The following GRID1 variants were observed in gnomAD, a reference collection of about 807,000 sequenced individuals.
GRID1 encodes the protein glutamate ionotropic receptor delta type subunit 1.
A neutral mutation model predicts 98.0 loss-of-function variants in GRID1; 28 were observed. The observed-to-expected ratio is 0.29, with a 90% CI of 0.21 to 0.39. The LOEUF is 0.39. GRID1 is among the 10% of genes least tolerant of loss of function. GRID1 has a pLI of 1.00. For synonymous variants in GRID1, 553 were observed against 538.5 expected (o/e 1.03, Z -0.37); for missense variants, 1,111 against 1,340.5 (o/e 0.83, Z 2.67).
chr10:85,907,916 G>T (rs11498999), intron 5 of GRID1, among the ~76,000 whole-genome samples: 6,846 of 152,124 alleles, frequency 0.045, 403 homozygotes, highest in African/African-American at 0.14. Flanking sequence ...TTAATAAACT[G>T]CAAAAAGAAA....
At chr10:86,011,647 A>G (rs1842924671) in intron 4 of GRID1, among the ~76,000 whole-genome samples, 2 of 152,188 alleles carry the variant, frequency 1.3e-5, no homozygotes. Flanking sequence ...GAAAGAACGT[A>G]ATTTCAGATC....
intron 13 of GRID1, among the ~76,000 whole-genome samples, chr10:85,644,780 C>T (rs73341006): frequency 0.016 from 2,441 of 152,294 alleles, 43 homozygotes; most frequent in East Asian, 0.05. Context: ...ACTGAGCACA[C>T]CCCCATCAGC....
chr10:85,635,043 T>C (rs552271875), intron 13 of GRID1, among the ~76,000 whole-genome samples: 60 of 117,748 alleles, frequency 5.1e-4, no homozygotes, highest in Non-Finnish European at 1.0e-4. Flanking sequence ...AAATCAGATT[T>C]AAGAGAAGTC....
chr10:86,207,930 G>A (rs1200400222), intron 2 of GRID1, among the ~76,000 whole-genome samples: 1 of 152,166 alleles, frequency 6.6e-6, no homozygotes. Context: ...GCGCCCGGCC[G>A]CAGATGCAGT....
chr10:86,170,675 A>C (rs1301717329), intron 3 of GRID1, among the ~76,000 whole-genome samples: 1 of 151,602 alleles, frequency 6.6e-6, no homozygotes, highest in African/African-American at 2.4e-5. Flanking sequence ...ACCCACACAC[A>C]TACACACACA....
intron 8 of GRID1, among the ~76,000 whole-genome samples, chr10:85,805,213 ATTAG>A (rs961336108): frequency 8.6e-5 from 13 of 151,726 alleles, no homozygotes. Flanking sequence ...TCTACACACC[ATTAG>A]TTAGCCACTG....
At chr10:86,299,879 C>A (rs1847656647) in intron 2 of GRID1, among the ~76,000 whole-genome samples, 1 of 152,204 alleles carries the variant, frequency 6.6e-6, no homozygotes, top group African/African-American at 2.4e-5. Flanking sequence ...GCACTGCTGA[C>A]AATCTCCATG....
At chr10:86,326,251 G>A (rs1169788593) in intron 2 of GRID1, among the ~76,000 whole-genome samples, 2 of 152,186 alleles carry the variant, frequency 1.3e-5, no homozygotes, top group Non-Finnish European at 2.9e-5. Flanking sequence ...TAAATGGGGA[G>A]ACACACTATG....
Position 85,869,134 on chromosome 10 carries a change from C to T in GRID1, c.827G>A (p.Gly276Glu). ...GATTTGCCGGACCACGGTCATCCTTCCAAGGGCACTATGGACCAGATCCAG... is the reference window on the plus strand; with the variant it reads ...GATTTGCCGGACCACGGTCATCCTTTCAAGGGCACTATGGACCAGATCCAG... ...EILDLVHSAL[G>E]RMTVVRQIFP... The change falls in exon 6 of 16, where the codon GGA becomes GAA. Residue 276 changes from glycine (G) to glutamate (E), a missense_variant. By Grantham distance (98) the Gly-to-Glu change is moderately conservative (BLOSUM62 -2). Around this residue, in one of 3 missense-constraint regions of GRID1, gnomAD observed 346 missense variants for 452.3 expected, o/e 0.76. Transcript: ENST00000327946. 6.2e-7 allele frequency: 1 copy of T among 1,614,022 alleles called. No individual in the cohort carries two copies. The highest frequency in any genetic ancestry group is 8.5e-7 in the Non-Finnish European group (1 of 1,179,904).
chr10:85,870,380 A>C (rs1233351492), intron 5 of GRID1, among the ~76,000 whole-genome samples: 1 of 152,058 alleles, frequency 6.6e-6, no homozygotes, highest in Non-Finnish European at 1.5e-5. Flanking sequence ...TGGCTTCCCT[A>C]CTTTTGAGGT....
intron 8 of GRID1, among the ~76,000 whole-genome samples, chr10:85,791,836 T>C (rs1281294476): frequency 2.6e-5 from 4 of 151,874 alleles, no homozygotes; most frequent in Non-Finnish European, 5.9e-5. Context: ...CAGACAGAGA[T>C]GAAAAGCAAA....
intron 7 of GRID1, among the ~76,000 whole-genome samples, chr10:85,855,346 A>G (rs1301058353): frequency 6.6e-6 from 1 of 152,254 alleles, no homozygotes; most frequent in Non-Finnish European, 1.5e-5. Flanking sequence ...CTCCAAGCCC[A>G]GGGTGAGATT....
Position 85,991,026 on chromosome 10 carries a change from G to A in GRID1, c.727-74787C>T, listed in dbSNP as rs140140198. On this transcript the variant is annotated intron_variant, in intron 4 of 15. Transcript: ENST00000327946. ...ACCTTTGTTCTGGGGTAGGAAGCACGATCTTGTACCAAGATTCCTCTTGCG... is the reference window on the plus strand; with the variant it reads ...ACCTTTGTTCTGGGGTAGGAAGCACAATCTTGTACCAAGATTCCTCTTGCG... Among the ~76,000 whole-genome samples the A allele has an allele frequency of 4.4e-3, 677 of 152,220 alleles. 2 individuals carry two copies. The highest frequency in any genetic ancestry group is 7.6e-3 in the Non-Finnish European group (518 of 68,020).
intron 13 of GRID1, 94 bp downstream of exon 13, chr10:85,647,108 G>T: frequency 1.0e-6 from 1 of 952,554 alleles, no homozygotes. Flanking sequence ...GGGCTGCTCA[G>T]AGGCAGATGC....
In GRID1 at chr10:85,613,495, A is replaced by G; in HGVS notation, c.2513T>C (p.Leu838Pro). The change falls in exon 15 of 16, where the codon CTG becomes CCG. Residue 838 changes from leucine to proline, a missense_variant. Physicochemically the swap from Leu to Pro is moderately conservative, Grantham distance 98. Coordinates refer to ENST00000327946, the MANE Select transcript of GRID1 (RefSeq NM_017551.3). ...LHSFAGVFCILAIGLLLACLV... is the reference protein window; with the variant it reads ...LHSFAGVFCIPAIGLLLACLV... ...GCAGGCCAGGAGCAGGCCAATGGCC[A>G]GGATGCAGAAGACCCCGGCGAAGCT... is the stretch of plus-strand genomic sequence containing the variant. The G allele has an allele frequency of 6.2e-7, 1 of 1,614,138 alleles. No individual in the cohort carries two copies. The highest frequency in any genetic ancestry group is 1.3e-5 in the African/African-American group (1 of 75,066).
chr10:86,118,381 T>C (rs1018983531), intron 4 of GRID1, among the ~76,000 whole-genome samples: 2 of 152,088 alleles, frequency 1.3e-5, no homozygotes, highest in African/African-American at 4.8e-5. Context: ...CTGGGTACAA[T>C]GTACACTGCT....
intron 4 of GRID1, among the ~76,000 whole-genome samples, chr10:86,084,688 T>C (rs372725718): frequency 1.6e-4 from 24 of 152,220 alleles, no homozygotes; most frequent in African/African-American, 5.5e-4. Flanking sequence ...GCAATGAATA[T>C]GACTTAGCCT....
chr10:86,118,197 C>A (rs1223734399), intron 4 of GRID1, among the ~76,000 whole-genome samples: 1 of 152,098 alleles, frequency 6.6e-6, no homozygotes, highest in Admixed American at 6.5e-5. Flanking sequence ...CTGGATGGAA[C>A]TGGAGACTGT....
chr10:85,862,932 G>A (rs1169698635), intron 6 of GRID1, among the ~76,000 whole-genome samples: 2 of 152,142 alleles, frequency 1.3e-5, no homozygotes, highest in African/African-American at 4.8e-5. Flanking sequence ...ATGGAGCACT[G>A]GGGGCAGGGA....
Sources: gnomAD v4.1 joint callset for allele counts (sites outside exome capture counted in the v4.1 genomes callset) on GRCh38, gnomAD v4.1.1 for gene constraint, gnomAD v4.1.1 regional missense constraint, MANE v1.5 for transcripts, NCBI Gene and HGNC (gene_info 2026-07-23, HGNC 2026-07-21) for gene names.